CSMD1: variants seen among roughly 807,000 people sequenced by gnomAD.
The protein encoded by CSMD1 is CUB and sushi domain-containing protein 1.
CSMD1 carries 213 observed loss-of-function variants against 417.5 expected under a neutral mutation model. The observed-to-expected ratio is 0.51, with a 90% CI of 0.46 to 0.57. CSMD1 has a LOEUF of 0.57. Ranked by LOEUF, CSMD1 falls within the 20% of genes least tolerant of loss-of-function variation. The probability of loss-of-function intolerance (pLI) is 0.00; values close to 1 mark genes in which losing one functional copy is unlikely to be tolerated. For missense variants in CSMD1, 6,923 were observed against 4,529.7 expected (o/e 1.53, Z -15.17); for synonymous variants, 2,862 against 1,736.8 (o/e 1.65, Z -16.11).
intron 3 of CSMD1, among the ~76,000 whole-genome samples, chr8:4,035,863 C>T (rs1045947014): frequency 6.6e-6 from 1 of 152,150 alleles, no homozygotes; most frequent in Non-Finnish European, 1.5e-5. Context: ...TACAGTCGTA[C>T]ATAGTCCCGT....
At chr8:3,792,316 C>T (rs1799796703) in intron 5 of CSMD1, among the ~76,000 whole-genome samples, 1 of 152,162 alleles carries the variant, frequency 6.6e-6, no homozygotes, top group African/African-American at 2.4e-5. Flanking sequence ...AAAAAACTTC[C>T]TGGGAGATAA....
intron 2 of CSMD1, among the ~76,000 whole-genome samples, chr8:4,456,541 A>AC: frequency 1.3e-5 from 2 of 152,342 alleles, no homozygotes; most frequent in Admixed American, 1.3e-4. Flanking sequence ...TTCAGTAGTG[A>AC]CACCACTTTG....
intron 54 of CSMD1, among the ~76,000 whole-genome samples, chr8:2,989,081 T>A (rs2128946265): frequency 6.6e-6 from 1 of 152,338 alleles, no homozygotes; most frequent in Non-Finnish European, 1.5e-5. Flanking sequence ...AGCACATTTA[T>A]GTGAGATACA....
At chr8:4,169,503 G>C (rs982517891) in intron 3 of CSMD1, among the ~76,000 whole-genome samples, 1 of 152,050 alleles carries the variant, frequency 6.6e-6, no homozygotes, top group African/African-American at 2.4e-5. Context: ...CTGCGGCCTT[G>C]TCTCCATTTT....
chr8:3,144,677 G>C (rs752247291), intron 40 of CSMD1, among the ~76,000 whole-genome samples: 1 of 151,738 alleles, frequency 6.6e-6, no homozygotes, highest in Non-Finnish European at 1.5e-5. Context: ...AAATACTGCT[G>C]TTTGTTGAAC....
intron 4 of CSMD1, among the ~76,000 whole-genome samples, chr8:4,026,206 T>C (rs1055899770): frequency 6.6e-6 from 1 of 152,192 alleles, no homozygotes; most frequent in African/African-American, 2.4e-5. Flanking sequence ...AATCTAGTTA[T>C]CCAAATCCAT....
At chr8:3,307,060 A>C (rs1804917036) in intron 25 of CSMD1, among the ~76,000 whole-genome samples, 1 of 152,096 alleles carries the variant, frequency 6.6e-6, no homozygotes, top group Admixed American at 6.6e-5. Flanking sequence ...CATTGCTCCC[A>C]TCCCTGCACA....
intron 3 of CSMD1, among the ~76,000 whole-genome samples, chr8:4,382,325 T>C (rs1803155261): frequency 6.6e-6 from 1 of 152,184 alleles, no homozygotes; most frequent in South Asian, 2.1e-4. Context: ...ATATGTGCAC[T>C]TTCTCACCAG....
At chr8:3,125,552 G>A (rs941873535) in intron 41 of CSMD1, among the ~76,000 whole-genome samples, 1 of 152,198 alleles carries the variant, frequency 6.6e-6, no homozygotes, top group South Asian at 2.1e-4. Context: ...TAAAAGCCAC[G>A]ATTATCAAAC....
chr8:4,298,207 A>T (rs1797789910), intron 3 of CSMD1, among the ~76,000 whole-genome samples: 1 of 152,204 alleles, frequency 6.6e-6, no homozygotes, highest in South Asian at 2.1e-4. Flanking sequence ...TGAAGTTTCC[A>T]AAATAATGCC....
At chr8:4,764,895 C>CAAAACAAAACAAAA (rs763804321) in intron 1 of CSMD1, among the ~76,000 whole-genome samples, 1,170 of 30,532 alleles carry the variant, frequency 0.038, 16 homozygotes, top group Non-Finnish European at 0.051. Context: ...AAAAAAAAAA[C>CAAAACAAAACAAAA]AACAACAACA....
At chr8:4,891,872 T>C (rs796250606) in intron 1 of CSMD1, among the ~76,000 whole-genome samples, 10 of 152,254 alleles carry the variant, frequency 6.6e-5, no homozygotes, top group East Asian at 1.9e-4. Context: ...ATTGTAAAAG[T>C]TGACATTCAC....
At chr8:3,175,483 T>TCCTTCCTGCCTGCCTG (rs1182066839) in intron 37 of CSMD1, among the ~76,000 whole-genome samples, 345 of 121,654 alleles carry the variant, frequency 2.8e-3, no homozygotes, top group Middle Eastern at 0.016. Context: ...TTCCCTTCCT[T>TCCTTCCTGCCTGCCTG]CCTGCCTGCC....
chr8:4,868,518 A>G (rs1020940940), intron 1 of CSMD1, among the ~76,000 whole-genome samples: 5 of 151,982 alleles, frequency 3.3e-5, no homozygotes, highest in African/African-American at 1.2e-4. Context: ...TGACAGTCGT[A>G]TTATTTTCAT....
intron 26 of CSMD1, among the ~76,000 whole-genome samples, chr8:3,232,806 T>A (rs1045907229): frequency 1.8e-4 from 27 of 152,250 alleles, no homozygotes; most frequent in African/African-American, 6.5e-4. Context: ...TACTAATTAA[T>A]TTTTTCTCGT....
At chr8:4,316,526 T>C (rs1289428730) in intron 3 of CSMD1, among the ~76,000 whole-genome samples, 2 of 152,146 alleles carry the variant, frequency 1.3e-5, no homozygotes, top group African/African-American at 2.4e-5. Flanking sequence ...TATTCCATAA[T>C]AGATTTCTGG....
chr8:4,678,959 C>T (rs1009457274), intron 1 of CSMD1, among the ~76,000 whole-genome samples: 1 of 152,160 alleles, frequency 6.6e-6, no homozygotes, highest in Non-Finnish European at 1.5e-5. Context: ...ACCTTACCAG[C>T]TATGCTAAGA....
At chr8:4,053,089 A>T (rs1798516226) in intron 3 of CSMD1, among the ~76,000 whole-genome samples, 1 of 152,182 alleles carries the variant, frequency 6.6e-6, no homozygotes, top group Non-Finnish European at 1.5e-5. Context: ...TGATTGGAAT[A>T]AGAAGGGGCT....
chr8:4,419,979 G>A lies in CSMD1; in HGVS notation c.389C>T (p.Ala130Val), dbSNP rs1383456848. ...LWFTTDFAVS[A>V]QGFKALYEVL... The stretch of plus-strand genomic sequence containing the variant: ...TTCATATAATGCTTTGAAACCTTGG[G>A]CACTCACAGCGAAGTCTGTCGTGAA... Residue 130 changes from alanine to valine, a missense_variant, in exon 3 of 70, where the codon GCC becomes GTC. Physicochemically the swap from Ala to Val is moderately conservative, Grantham distance 64. Coordinates refer to ENST00000635120, the MANE Select transcript of CSMD1 (RefSeq NM_033225.6). The A allele has an allele frequency of 6.3e-7, 1 of 1,584,950 alleles. No homozygotes were observed. The highest frequency in any genetic ancestry group is 8.6e-7 in the Non-Finnish European group (1 of 1,164,240).
Sources: gnomAD v4.1 joint callset for allele counts (sites outside exome capture counted in the v4.1 genomes callset) on GRCh38, gnomAD v4.1.1 for gene constraint, MANE v1.5 for transcripts, NCBI Gene and HGNC (gene_info 2026-07-23, HGNC 2026-07-21) for gene names.